RBMS3: variants seen among roughly 807,000 people sequenced by gnomAD.
The protein encoded by RBMS3 is RNA binding motif single stranded interacting protein 3, also known as RNA-binding motif, single-stranded-interacting protein 3.
RBMS3 carries 27 observed loss-of-function variants against 66.8 expected under a neutral mutation model. That is an observed-to-expected ratio of 0.40 (90% CI 0.30 to 0.56). The LOEUF (loss-of-function observed/expected upper bound fraction) is 0.56, where lower values mean the gene tolerates loss of function less well. RBMS3 is among the 20% of genes least tolerant of loss of function. The probability of loss-of-function intolerance (pLI) is 0.40; values close to 1 mark genes in which losing one functional copy is unlikely to be tolerated. For missense variants in RBMS3, 513 were observed against 549.5 expected (o/e 0.93, Z 0.66); for synonymous variants, 188 against 183.0 (o/e 1.03, Z -0.22).
At chr3:29,930,109 C>CTTTCTTTCTTTTTT (rs71091082) in intron 10 of RBMS3, among the ~76,000 whole-genome samples, 18 of 43,550 alleles carry the variant, frequency 4.1e-4, no homozygotes, top group South Asian at 2.5e-3. Context: ...TTCTTTCTTT[C>CTTTCTTTCTTTTTT]TTTTTTTTTT....
At chr3:29,644,211 A>G (rs1459876159) in intron 4 of RBMS3, among the ~76,000 whole-genome samples, 2 of 152,250 alleles carry the variant, frequency 1.3e-5, no homozygotes, top group African/African-American at 2.4e-5. Flanking sequence ...CAATCACAGC[A>G]TAACGCATTA....
intron 1 of RBMS3, among the ~76,000 whole-genome samples, chr3:29,432,542 T>C (rs1017403961): frequency 6.6e-6 from 1 of 152,200 alleles, no homozygotes; most frequent in Admixed American, 6.5e-5. Flanking sequence ...CTTTATTCCA[T>C]TTTTTATTAT....
chr3:29,937,269 CT>C (rs1177474122), intron 11 of RBMS3, among the ~76,000 whole-genome samples: 1 of 151,848 alleles, frequency 6.6e-6, no homozygotes, highest in Non-Finnish European at 1.5e-5. Flanking sequence ...ATATTCAATT[CT>C]GTATTTTTAA....
chr3:29,502,114 A>G (rs2043997942), intron 3 of RBMS3, among the ~76,000 whole-genome samples: 1 of 152,064 alleles, frequency 6.6e-6, no homozygotes, highest in Non-Finnish European at 1.5e-5. Flanking sequence ...AGCGGGACCT[A>G]AACTATCCTT....
chr3:29,605,730 C>A (rs1390122627), intron 4 of RBMS3, among the ~76,000 whole-genome samples: 2 of 151,684 alleles, frequency 1.3e-5, no homozygotes, highest in Admixed American at 6.6e-5. Context: ...GCTTTGGGAC[C>A]CTTTTTTAAT....
intron 6 of RBMS3, among the ~76,000 whole-genome samples, chr3:29,845,653 A>G (rs1244234721): frequency 6.6e-6 from 1 of 152,162 alleles, no homozygotes; most frequent in Non-Finnish European, 1.5e-5. Context: ...ACAGATAAAC[A>G]ATGGACAAAA....
intron 1 of RBMS3, among the ~76,000 whole-genome samples, chr3:29,347,306 T>A (rs1290425478): frequency 6.6e-6 from 1 of 152,224 alleles, no homozygotes; most frequent in African/African-American, 2.4e-5. Flanking sequence ...AAGTGCCACA[T>A]AAATATGTGT....
intron 1 of RBMS3, among the ~76,000 whole-genome samples, chr3:29,333,187 A>T (rs1362942106): frequency 6.6e-6 from 1 of 152,152 alleles, no homozygotes; most frequent in Non-Finnish European, 1.5e-5. Context: ...TTAAGGGAAA[A>T]GGTTCTGGCA....
At chr3:29,860,218 A>C (rs1407013526) in intron 6 of RBMS3, among the ~76,000 whole-genome samples, 2 of 152,210 alleles carry the variant, frequency 1.3e-5, no homozygotes, top group Admixed American at 1.3e-4. Context: ...GTACAAAAGC[A>C]GTTCTAAGTT....
At chr3:29,405,917 A>C (rs1053716481) in intron 1 of RBMS3, among the ~76,000 whole-genome samples, 26 of 152,200 alleles carry the variant, frequency 1.7e-4, no homozygotes, top group Non-Finnish European at 2.6e-4. Context: ...GGATAGATTG[A>C]AACAGTACTT....
At chr3:29,336,605 T>C (rs2035969037) in intron 1 of RBMS3, among the ~76,000 whole-genome samples, 1 of 152,190 alleles carries the variant, frequency 6.6e-6, no homozygotes, top group African/African-American at 2.4e-5. Context: ...TCCTATAATT[T>C]ATTAATCAGC....
At chr3:29,619,146 G>C (rs1000191226) in intron 4 of RBMS3, among the ~76,000 whole-genome samples, 1 of 151,852 alleles carries the variant, frequency 6.6e-6, no homozygotes, top group Non-Finnish European at 1.5e-5. Flanking sequence ...ACACGCCAGG[G>C]CCTGTTGTGG....
intron 4 of RBMS3, among the ~76,000 whole-genome samples, chr3:29,683,206 G>A (rs547414940): frequency 1.3e-5 from 2 of 152,256 alleles, no homozygotes; most frequent in African/African-American, 4.8e-5. Context: ...CTTCACTGCA[G>A]TGTTCCCCAG....
chr3:29,421,652 T>A (rs1358118379), intron 1 of RBMS3, among the ~76,000 whole-genome samples: 1 of 152,206 alleles, frequency 6.6e-6, no homozygotes, highest in African/African-American at 2.4e-5. Context: ...AATTTATATT[T>A]GTCTTAAAAA....
At chr3:29,458,597 A>T (rs1235439629) in intron 2 of RBMS3, among the ~76,000 whole-genome samples, 2 of 152,198 alleles carry the variant, frequency 1.3e-5, no homozygotes, top group East Asian at 3.8e-4. Flanking sequence ...CTGGGTTTTT[A>T]AAACTTCAAG....
intron 1 of RBMS3, among the ~76,000 whole-genome samples, chr3:29,312,626 A>C (rs986133001): frequency 1.3e-5 from 2 of 150,446 alleles, no homozygotes; most frequent in African/African-American, 4.9e-5. Context: ...TTGTGTATCT[A>C]TATGTCTCTG....
At chr3:29,910,720 T>C (rs1375168915) in intron 10 of RBMS3, among the ~76,000 whole-genome samples, 1 of 151,276 alleles carries the variant, frequency 6.6e-6, no homozygotes, top group Non-Finnish European at 1.5e-5. Context: ...GGGAGGGAAG[T>C]GGTTAATGGA....
intron 10 of RBMS3, among the ~76,000 whole-genome samples, chr3:29,919,144 A>G (rs1346904750): frequency 6.6e-6 from 1 of 152,220 alleles, no homozygotes; most frequent in Non-Finnish European, 1.5e-5. Flanking sequence ...GCATTTATGT[A>G]ATGGCATTGA....
intron 2 of RBMS3, among the ~76,000 whole-genome samples, chr3:29,487,136 A>C (rs1024768917): frequency 6.6e-6 from 1 of 152,164 alleles, no homozygotes; most frequent in African/African-American, 2.4e-5. Context: ...ATCATTGTCT[A>C]GTAAAGAGAC....
Sources: allele counts gnomAD v4.1 joint callset (sites outside exome capture counted in the v4.1 genomes callset), GRCh38; gene constraint gnomAD v4.1.1; transcripts MANE v1.5; gene names NCBI Gene and HGNC (gene_info 2026-07-23, HGNC 2026-07-21).